Variants in CNTNAP2 observed in about 807,000 individuals in gnomAD.
CNTNAP2 encodes contactin associated protein 2, also known as contactin-associated protein-like 2.
In CNTNAP2, 98 loss-of-function variants were observed where a neutral mutation model predicts 155.2. The ratio of observed to expected loss-of-function variants is 0.63; its 90% CI spans 0.54 to 0.75. The LOEUF (loss-of-function observed/expected upper bound fraction) is 0.75, where lower values mean the gene tolerates loss of function less well. Ranked by LOEUF, CNTNAP2 falls within the 30% of genes least tolerant of loss-of-function variation. The pLI is 0.00. For synonymous variants in CNTNAP2, 651 were observed against 631.2 expected (o/e 1.03, Z -0.47); for missense variants, 1,727 against 1,688.1 (o/e 1.02, Z -0.40).
chr7:146,601,639 T>C (rs545344873), intron 1 of CNTNAP2, among the ~76,000 whole-genome samples: 110 of 152,172 alleles, frequency 7.2e-4, no homozygotes, highest in Middle Eastern at 3.4e-3. Flanking sequence ...AAAAGAAGTA[T>C]GCAAAAAAAT....
chr7:147,716,690 A>T (rs536565836), intron 13 of CNTNAP2, among the ~76,000 whole-genome samples: 1 of 152,070 alleles, frequency 6.6e-6, no homozygotes, highest in Non-Finnish European at 1.5e-5. Context: ...CTATGTTTGC[A>T]GCTCGATTTT....
chr7:146,405,511 A>G (rs1341802890), intron 1 of CNTNAP2, among the ~76,000 whole-genome samples: 1 of 152,246 alleles, frequency 6.6e-6, no homozygotes, highest in Non-Finnish European at 1.5e-5. Flanking sequence ...TTTCTGAGAT[A>G]TATAAGGGCC....
intron 12 of CNTNAP2, among the ~76,000 whole-genome samples, chr7:147,589,035 T>A (rs1324265638): frequency 6.6e-6 from 1 of 152,216 alleles, no homozygotes; most frequent in Non-Finnish European, 1.5e-5. Context: ...AAATCTAACA[T>A]TTTAAATGAT....
At chr7:147,642,011 C>CGTGTGTGTGTGTGT (rs3053478) in intron 13 of CNTNAP2, among the ~76,000 whole-genome samples, 8 of 149,600 alleles carry the variant, frequency 5.3e-5, no homozygotes, top group African/African-American at 1.7e-4. Context: ...TGTGTGTGTG[C>CGTGTGTGTGTGTGT]GTGTGTGTGT....
At chr7:147,128,392 T>C (rs1801281843) in intron 6 of CNTNAP2, among the ~76,000 whole-genome samples, 1 of 152,220 alleles carries the variant, frequency 6.6e-6, no homozygotes, top group Non-Finnish European at 1.5e-5. Flanking sequence ...AGAAGTTTGC[T>C]GAATAAAAAT....
At chr7:147,272,528 C>T (rs975096873) in intron 8 of CNTNAP2, among the ~76,000 whole-genome samples, 1 of 151,720 alleles carries the variant, frequency 6.6e-6, no homozygotes, top group Non-Finnish European at 1.5e-5. Flanking sequence ...AGACAGAGTC[C>T]GGCTCTGTCG....
chr7:146,606,713 C>G (rs1188525173), intron 1 of CNTNAP2, among the ~76,000 whole-genome samples: 1 of 152,106 alleles, frequency 6.6e-6, no homozygotes, highest in Non-Finnish European at 1.5e-5. Flanking sequence ...AAAACAAAAC[C>G]AGCAGGTGCC....
At chr7:146,736,805 G>A (rs1801628231) in intron 1 of CNTNAP2, among the ~76,000 whole-genome samples, 1 of 152,126 alleles carries the variant, frequency 6.6e-6, no homozygotes, top group Non-Finnish European at 1.5e-5. Flanking sequence ...TCAGAAACTG[G>A]ATCATATGAG....
At chr7:147,465,308 A>T (rs189364311) in intron 10 of CNTNAP2, among the ~76,000 whole-genome samples, 1 of 152,314 alleles carries the variant, frequency 6.6e-6, no homozygotes, top group Non-Finnish European at 1.5e-5. Flanking sequence ...TTGAATCTAA[A>T]ATTTTGCTTA....
intron 21 of CNTNAP2, among the ~76,000 whole-genome samples, chr7:148,368,566 T>C (rs556309029): frequency 4.8e-4 from 73 of 152,298 alleles, no homozygotes; most frequent in African/African-American, 1.6e-3. Flanking sequence ...GTACCAGCCA[T>C]AGCAAGGTGC....
At chr7:146,889,669 A>G (rs1309811217) in intron 3 of CNTNAP2, among the ~76,000 whole-genome samples, 5 of 152,134 alleles carry the variant, frequency 3.3e-5, no homozygotes, top group Non-Finnish European at 7.4e-5. Flanking sequence ...TTACTTTTAC[A>G]TCTTCTTGTT....
chr7:146,640,304 A>T (rs1799683379), intron 1 of CNTNAP2, among the ~76,000 whole-genome samples: 2 of 152,184 alleles, frequency 1.3e-5, no homozygotes. Flanking sequence ...TTCTTCTCTA[A>T]TGTTCTCAAA....
intron 4 of CNTNAP2, among the ~76,000 whole-genome samples, chr7:147,102,119 T>C (rs1186976800): frequency 1.3e-5 from 2 of 152,026 alleles, no homozygotes; most frequent in South Asian, 2.1e-4. Context: ...AAAAGTAAAC[T>C]ATGAGTTTTA....
intron 3 of CNTNAP2, among the ~76,000 whole-genome samples, chr7:146,874,486 C>T (rs1290497303): frequency 2.0e-5 from 3 of 151,956 alleles, no homozygotes; most frequent in Admixed American, 2.0e-4. Flanking sequence ...ATTACAGGCA[C>T]CTGCCATCAT....
At chr7:148,098,450 A>G (rs1244295983) in intron 15 of CNTNAP2, among the ~76,000 whole-genome samples, 13 of 146,530 alleles carry the variant, frequency 8.9e-5, no homozygotes, top group African/African-American at 3.3e-4. Flanking sequence ...CTCAGAAAAA[A>G]AAAAAAAAAA....
rs61495352 is a variant in CNTNAP2, at chr7:146,748,143, C to CTTTTTTTTTTT, written c.98-26118_98-26108dup. 7.7e-4 allele frequency among the ~76,000 whole-genome samples: 75 copies of CTTTTTTTTTTT among 97,968 alleles called. 2 individuals are homozygous for CTTTTTTTTTTT. The highest frequency in any genetic ancestry group is 1.8e-3 in the African/African-American group (43 of 24,184). 64.3% of individuals were successfully genotyped at this position (97,968 alleles called of 152,430 possible). ...GTGGTGTTTTCTTTTCTTTTCTTTT[C>CTTTTTTTTTTT]TTTTTTTTTTTTTTTTTTTTGAGAA... On this transcript the variant is annotated intron_variant, in intron 1 of 23. Transcript: ENST00000361727.
intron 14 of CNTNAP2, among the ~76,000 whole-genome samples, chr7:147,931,446 GC>G (rs1800502357): frequency 6.6e-6 from 1 of 152,016 alleles, no homozygotes; most frequent in African/African-American, 2.4e-5. Context: ...ATTTTATAAG[GC>G]CAGCATTTCC....
intron 9 of CNTNAP2, among the ~76,000 whole-genome samples, chr7:147,318,596 T>G (rs1292679883): frequency 1.3e-5 from 2 of 151,834 alleles, no homozygotes. Context: ...TTCTCACTCA[T>G]AAGTGGGAGT....
intron 1 of CNTNAP2, among the ~76,000 whole-genome samples, chr7:146,355,209 A>C (rs774795451): frequency 5.3e-5 from 8 of 152,214 alleles, no homozygotes; most frequent in Non-Finnish European, 1.2e-4. Flanking sequence ...AGAAATCATA[A>C]ACTTTAACAA....
Sources: gnomAD v4.1 joint callset for allele counts (sites outside exome capture counted in the v4.1 genomes callset) on GRCh38, gnomAD v4.1.1 for gene constraint, MANE v1.5 for transcripts, NCBI Gene and HGNC (gene_info 2026-07-23, HGNC 2026-07-21) for gene names.